PACS1: variants seen among roughly 807,000 people sequenced by gnomAD.
PACS1 encodes the protein PACS-1.
In PACS1, 24 loss-of-function variants were observed where a neutral mutation model predicts 115.0. The ratio of observed to expected loss-of-function variants is 0.21; its 90% CI spans 0.15 to 0.29. PACS1 has a LOEUF of 0.29. PACS1 is among the 10% of genes least tolerant of loss of function. The probability of loss-of-function intolerance (pLI) is 1.00; values close to 1 mark genes in which losing one functional copy is unlikely to be tolerated. For synonymous variants in PACS1, 453 were observed against 504.5 expected (o/e 0.90, Z 1.37); for missense variants, 838 against 1,251.2 (o/e 0.67, Z 4.98).
chr11:66,115,111 C>T (rs1335393515), intron 1 of PACS1, among the ~76,000 whole-genome samples: 2 of 146,266 alleles, frequency 1.4e-5, no homozygotes, highest in Non-Finnish European at 3.0e-5. Flanking sequence ...TGGGAGGCTG[C>T]GGTGGGAGGA....
At chr11:66,098,961 C>T (rs563804970) in intron 1 of PACS1, among the ~76,000 whole-genome samples, 2 of 152,166 alleles carry the variant, frequency 1.3e-5, no homozygotes, top group Non-Finnish European at 2.9e-5. Context: ...CCCTCATCAC[C>T]TGCTCATGTT....
At chr11:66,231,712 T>C in intron 13 of PACS1, 1 of 173,308 alleles carries the variant, frequency 5.8e-6, no homozygotes, top group South Asian at 1.3e-4. Context: ...GTTCCTGAAA[T>C]ACCTTTTGTT....
intron 1 of PACS1, among the ~76,000 whole-genome samples, chr11:66,127,916 AC>A (rs1356607862): frequency 1.2e-4 from 18 of 152,184 alleles, no homozygotes; most frequent in Non-Finnish European, 2.1e-4. Context: ...GCTAAAGTAG[AC>A]CCCGAGTTTG....
At position 66,241,628 on chromosome 11, in the gene PACS1, G is replaced by C. The variant is rs1017367267; in HGVS notation, c.2631G>C (p.Val877=). Residue 877 remains valine (V), a synonymous_variant, in exon 22 of 24, where the codon GTG becomes GTC. Transcript: ENST00000320580. The part of the protein sequence containing the change: ...AQLSGTMAMT[V]VTKEKNKKVP... ...TTTCTGGCACCATGGCCATGACTGT[G>C]GTCACCAAAGAAAAGAACAAGAAAG... is the stretch of plus-strand genomic sequence containing the variant. 2 of 1,613,980 alleles carry C rather than the reference G, an allele frequency of 1.2e-6. No individual in the cohort carries two copies. Among genetic ancestry groups the C allele is most frequent in the Admixed American group, 3.3e-5 (2 of 60,030 alleles).
At chr11:66,234,348 C>T in intron 17 of PACS1, 106 bp downstream of exon 17, 2 of 776,324 alleles carry the variant, frequency 2.6e-6, no homozygotes, top group South Asian at 2.8e-5. Flanking sequence ...CTGCAGCTCT[C>T]ACCTTCCCGG....
chr11:66,226,614 C>T (rs1855473856), intron 10 of PACS1, among the ~76,000 whole-genome samples: 1 of 152,096 alleles, frequency 6.6e-6, no homozygotes, highest in African/African-American at 2.4e-5. Context: ...TGTGGTGATC[C>T]TTGTTCCATA....
In PACS1 at chr11:66,233,899, C is replaced by T. The variant is rs115328615; in HGVS notation, c.1953C>T (p.Ser651=). The T allele has an allele frequency of 1.2e-4, 186 of 1,594,690 alleles. No homozygotes were observed. Among genetic ancestry groups the T allele is most frequent in the Non-Finnish European group, 1.5e-4 (171 of 1,169,484 alleles). ...FFVKSLANKT[S]DWLGYMRFLI... ...TCAAGTCCCTGGCCAACAAGACCTCCGACTGGCTTGGCTACATGCGCTTCC... is the reference window on the plus strand; with the variant it reads ...TCAAGTCCCTGGCCAACAAGACCTCTGACTGGCTTGGCTACATGCGCTTCC... Residue 651 remains serine, a synonymous_variant, in exon 16 of 24, where the codon TCC becomes TCT. Transcript: ENST00000320580. This position sits in a 1 kb window ranked among gnomAD's most constrained non-coding sequence, Gnocchi z 4.5.
chr11:66,131,963 A>G (rs1404192852), intron 1 of PACS1, among the ~76,000 whole-genome samples: 3 of 152,106 alleles, frequency 2.0e-5, no homozygotes, highest in Non-Finnish European at 4.4e-5. Flanking sequence ...TCATTAAAAA[A>G]AAAAAATCTG....
Position 66,070,464 on chromosome 11 carries a change from C to T in PACS1, c.-23C>T, listed in dbSNP as rs1452120894. ...GCCAGATCGGCGTCGCCTCGGCCTC[C>T]GTAACCCCCGCCTAGCCGGGCCATG... is the stretch of plus-strand genomic sequence containing the variant. On this transcript the variant is annotated 5_prime_UTR_variant, in exon 1 of 24. Transcript: ENST00000320580. The surrounding 1 kb of genome is among the most constrained non-coding windows in gnomAD (Gnocchi z 5.9). 4 of 1,242,810 alleles carry T rather than the reference C, an allele frequency of 3.2e-6. No individual in the cohort carries two copies. Among genetic ancestry groups the T allele is most frequent in the Non-Finnish European group, 4.0e-6 (4 of 992,948 alleles). The allele number at this position is 1,242,810 out of a possible 1,614,324, so 77.0% of individuals were successfully genotyped here.
intron 1 of PACS1, among the ~76,000 whole-genome samples, chr11:66,184,987 GC>G (rs1860091358): frequency 6.6e-6 from 1 of 152,126 alleles, no homozygotes; most frequent in Admixed American, 6.6e-5. Context: ...AAGAGAAATG[GC>G]TTGAGGTGCA....
intron 1 of PACS1, among the ~76,000 whole-genome samples, chr11:66,085,946 A>G (rs558801595): frequency 5.8e-4 from 88 of 152,334 alleles, no homozygotes; most frequent in African/African-American, 2.0e-3. Context: ...ATAGAGGCCA[A>G]TACAGGTGTA....
At chr11:66,238,074 C>T in intron 19 of PACS1, 2 of 985,430 alleles carry the variant, frequency 2.0e-6, no homozygotes, top group Non-Finnish European at 2.4e-6. Context: ...GGATGCTCAC[C>T]TAGTCTGTGG....
chr11:66,220,398 G>A (rs1855315014), intron 8 of PACS1: 1 of 527,272 alleles, frequency 1.9e-6, no homozygotes, highest in Non-Finnish European at 3.4e-6. Flanking sequence ...GTCCCTCCTG[G>A]CACAGCTTCA....
intron 1 of PACS1, chr11:66,120,902 A>G (rs1858422257): frequency 2.4e-6 from 1 of 409,016 alleles, no homozygotes; most frequent in Admixed American, 2.8e-5. Flanking sequence ...GTCTTCATGA[A>G]GTCCCCCTTG....
intron 2 of PACS1, 149 bp downstream of exon 2, chr11:66,193,722 C>T (rs1854584064): frequency 5.2e-6 from 3 of 571,442 alleles, no homozygotes; most frequent in Non-Finnish European, 9.5e-6. Flanking sequence ...ACAGAGCTCA[C>T]AGGACCTTCT....
intron 1 of PACS1, among the ~76,000 whole-genome samples, chr11:66,140,459 AGACTCAGGCAT>A (rs1333224241): frequency 6.6e-6 from 1 of 152,174 alleles, no homozygotes; most frequent in African/African-American, 2.4e-5. Flanking sequence ...TGGACCTCCC[AGACTCAGGCAT>A]GACTTGTAAC....
In PACS1 at chr11:66,070,936, T is replaced by G; in HGVS notation, c.356+94T>G. 1 of 1,208,472 alleles carries G rather than the reference T, an allele frequency of 8.3e-7. No homozygotes were observed. Among genetic ancestry groups the G allele is most frequent in the Non-Finnish European group, 1.1e-6 (1 of 933,898 alleles). 74.9% of individuals were successfully genotyped at this position (1,208,472 alleles called of 1,614,324 possible). A position where few individuals can be genotyped will look rare whatever the true frequency, so the allele number is the denominator to read the frequency against. ...CCCAGCGCCCATGGGGTCCCCGCCC[T>G]CCATCTCCCCGACTGTCCCGCGGCC... On this transcript the variant is annotated intron_variant, in intron 1 of 23. Transcript: ENST00000320580. This position sits in a 1 kb window ranked among gnomAD's most constrained non-coding sequence, Gnocchi z 5.9.
chr11:66,203,590 C>G (rs1854866839), intron 2 of PACS1, among the ~76,000 whole-genome samples: 1 of 152,160 alleles, frequency 6.6e-6, no homozygotes. Context: ...ATCACATTAT[C>G]TGACTTCAAA....
At chr11:66,112,163 T>C (rs1431665424) in intron 1 of PACS1, among the ~76,000 whole-genome samples, 2 of 152,216 alleles carry the variant, frequency 1.3e-5, no homozygotes, top group Admixed American at 1.3e-4. Context: ...GCAGATCTGA[T>C]TGTTGCACTC....
Sources: allele counts gnomAD v4.1 joint callset (sites outside exome capture counted in the v4.1 genomes callset), GRCh38; gene constraint gnomAD v4.1.1; non-coding constraint Gnocchi (gnomAD v3.1); transcripts MANE v1.5; gene names NCBI Gene and HGNC (gene_info 2026-07-23, HGNC 2026-07-21).